USH2A: variants seen among roughly 807,000 people sequenced by gnomAD.
The protein encoded by USH2A is Usher syndrome 2A (autosomal recessive, mild).
Under a neutral mutation model 538.9 loss-of-function variants are expected in USH2A, and 443 were observed. The ratio of observed to expected loss-of-function variants is 0.82; its 90% CI spans 0.76 to 0.89. The LOEUF (loss-of-function observed/expected upper bound fraction) is 0.89. Among genes scored for constraint, USH2A ranks in the 40% least tolerant of loss-of-function variants. USH2A has a pLI of 0.00. For synonymous variants in USH2A, 2,413 were observed against 2,273.5 expected (o/e 1.06, Z -1.75); for missense variants, 6,633 against 6,324.8 (o/e 1.05, Z -1.65).
At chr1:216,077,786 T>C (rs2031800404) in intron 27 of USH2A, among the ~76,000 whole-genome samples, 1 of 150,250 alleles carries the variant, frequency 6.7e-6, no homozygotes, top group South Asian at 2.1e-4. Context: ...TATATAATTA[T>C]GTACCACATA....
At chr1:215,937,448 G>A (rs577702214) in intron 37 of USH2A, among the ~76,000 whole-genome samples, 8 of 152,174 alleles carry the variant, frequency 5.3e-5, no homozygotes, top group South Asian at 4.1e-4. Context: ...CATGCAAGGA[G>A]AAGGCTTTTC....
intron 11 of USH2A, among the ~76,000 whole-genome samples, chr1:216,261,848 A>T (rs1311349188): frequency 6.6e-6 from 1 of 152,122 alleles, no homozygotes; most frequent in African/African-American, 2.4e-5. Context: ...ACATGCACAA[A>T]CATGCCTCCA....
At chr1:216,052,122 G>T (rs1316565588) in intron 30 of USH2A, among the ~76,000 whole-genome samples, 1 of 152,016 alleles carries the variant, frequency 6.6e-6, no homozygotes, top group Non-Finnish European at 1.5e-5. Flanking sequence ...TTATTTTAAG[G>T]ACCTTAAAAG....
At chr1:215,962,408 T>C (rs1667223123) in intron 37 of USH2A, among the ~76,000 whole-genome samples, 2 of 152,092 alleles carry the variant, frequency 1.3e-5, no homozygotes, top group Non-Finnish European at 2.9e-5. Context: ...ACAAATTAAA[T>C]GGCCATTAAT....
At chr1:216,367,249 A>G (rs2038616779) in intron 3 of USH2A, among the ~76,000 whole-genome samples, 2 of 152,220 alleles carry the variant, frequency 1.3e-5, no homozygotes, top group Non-Finnish European at 2.9e-5. Context: ...ACAATATATT[A>G]ACACTAGCAT....
intron 49 of USH2A, among the ~76,000 whole-genome samples, chr1:215,800,520 T>C (rs911613303): frequency 3.9e-5 from 6 of 152,182 alleles, no homozygotes; most frequent in African/African-American, 1.4e-4. Context: ...ACAAATCCAC[T>C]GAAGAATTTA....
intron 21 of USH2A, among the ~76,000 whole-genome samples, chr1:216,129,938 T>G (rs1293657070): frequency 6.6e-6 from 1 of 151,978 alleles, no homozygotes; most frequent in Non-Finnish European, 1.5e-5. Flanking sequence ...GACAAAAGTG[T>G]GAACAACATA....
chr1:216,011,316 A>G (rs1391528599), intron 32 of USH2A, among the ~76,000 whole-genome samples: 2 of 151,998 alleles, frequency 1.3e-5, no homozygotes, highest in Non-Finnish European at 2.9e-5. Context: ...ACTTGGACTG[A>G]CCCTGACACC....
At chr1:216,298,643 AAAC>A (rs2037152019) in intron 9 of USH2A, among the ~76,000 whole-genome samples, 1 of 152,176 alleles carries the variant, frequency 6.6e-6, no homozygotes, top group South Asian at 2.1e-4. Context: ...TTCCTGAAGA[AAAC>A]AAGCATAGCT....
At chr1:215,690,631 T>A (rs2102680968) in intron 61 of USH2A, among the ~76,000 whole-genome samples, 1 of 152,320 alleles carries the variant, frequency 6.6e-6, no homozygotes. Flanking sequence ...GATTCTGATG[T>A]ACCTAGAAAA....
chr1:216,368,202 C>T (rs2038635968), intron 3 of USH2A, among the ~76,000 whole-genome samples: 1 of 93,430 alleles, frequency 1.1e-5, no homozygotes, highest in African/African-American at 3.8e-5. Context: ...TACAAGAGTA[C>T]ACTAGATTTT....
At chr1:215,977,570 G>A (rs1667651031) in intron 35 of USH2A, among the ~76,000 whole-genome samples, 1 of 152,202 alleles carries the variant, frequency 6.6e-6, no homozygotes, top group Admixed American at 6.5e-5. Flanking sequence ...ACAGTGGCAT[G>A]ATCTCGGCTC....
chr1:216,163,086 C>T (rs1023637991), intron 21 of USH2A, among the ~76,000 whole-genome samples: 11 of 151,872 alleles, frequency 7.2e-5, no homozygotes, highest in Admixed American at 2.6e-4. Flanking sequence ...CTTTTCTTCA[C>T]TTAAGCATAA....
chr1:216,108,402 A>T (rs2032788094), intron 21 of USH2A, among the ~76,000 whole-genome samples: 1 of 135,098 alleles, frequency 7.4e-6, no homozygotes. Flanking sequence ...TATTTCCATA[A>T]TCTTTTTTTT....
chr1:215,983,949 A>C (rs1391173815), intron 35 of USH2A, among the ~76,000 whole-genome samples: 1 of 152,178 alleles, frequency 6.6e-6, no homozygotes, highest in African/African-American at 2.4e-5. Flanking sequence ...TCAAATAGGA[A>C]ATGTAGCCTT....
At chr1:215,971,629 T>C (rs891288588) in intron 35 of USH2A, among the ~76,000 whole-genome samples, 2 of 152,044 alleles carry the variant, frequency 1.3e-5, no homozygotes, top group Admixed American at 1.3e-4. Flanking sequence ...ACAAATGAAC[T>C]ACCAGCTGAG....
intron 4 of USH2A, among the ~76,000 whole-genome samples, chr1:216,349,012 A>T (rs1473057818): frequency 6.6e-6 from 1 of 152,134 alleles, no homozygotes; most frequent in Non-Finnish European, 1.5e-5. Context: ...TTTAGTTGTG[A>T]TAATTTTATT....
intron 55 of USH2A, among the ~76,000 whole-genome samples, chr1:215,773,149 C>T (rs1342598764): frequency 6.6e-6 from 1 of 152,096 alleles, no homozygotes; most frequent in Non-Finnish European, 1.5e-5. Context: ...CATGTAAAAT[C>T]GAGCTGCAGA....
At chr1:216,186,173 C>A (rs758741952) in intron 20 of USH2A, among the ~76,000 whole-genome samples, 4 of 150,094 alleles carry the variant, frequency 2.7e-5, no homozygotes, top group Non-Finnish European at 4.5e-5. Flanking sequence ...AAAGGTAATA[C>A]AATTTTTTGA....
Sources: allele counts gnomAD v4.1 joint callset (sites outside exome capture counted in the v4.1 genomes callset), GRCh38; gene constraint gnomAD v4.1.1; transcripts MANE v1.5; gene names NCBI Gene and HGNC (gene_info 2026-07-23, HGNC 2026-07-21).